The following FSTL5 variants were observed in gnomAD, a reference collection of about 807,000 sequenced individuals.
FSTL5 encodes follistatin-related protein 5.
Under a neutral mutation model 89.1 loss-of-function variants are expected in FSTL5, and 62 were observed. The observed-to-expected ratio is 0.70, with a 90% confidence interval of 0.57 to 0.86. FSTL5 has a LOEUF of 0.86. Ranked by LOEUF, FSTL5 falls within the 40% of genes least tolerant of loss-of-function variation. FSTL5 has a pLI of 0.00. For synonymous variants in FSTL5, 383 were observed against 346.2 expected, an observed-to-expected ratio of 1.11 and a Z score of -1.18; for missense variants, 1,057 against 1,001.6, an observed-to-expected ratio of 1.06 and a Z score of -0.75.
intron 10 of FSTL5, among the ~76,000 whole-genome samples, chr4:161,519,545 C>CA (rs1340831419): frequency 2.6e-5 from 4 of 151,898 alleles, no homozygotes; most frequent in African/African-American, 4.8e-5. Context: ...CAAAACAAAA[C>CA]AAAAAATAAC....
At chr4:161,898,852 A>G (rs1429499886) in intron 4 of FSTL5, among the ~76,000 whole-genome samples, 2 of 151,734 alleles carry the variant, frequency 1.3e-5, no homozygotes, top group African/African-American at 4.8e-5. Flanking sequence ...GATGGTCTGG[A>G]TCTCCTGACC....
intron 6 of FSTL5, among the ~76,000 whole-genome samples, chr4:161,671,904 C>T (rs1037397476): frequency 2.0e-5 from 3 of 152,084 alleles, no homozygotes; most frequent in South Asian, 2.1e-4. Flanking sequence ...TCTTAACATC[C>T]GATCAAAATA....
In FSTL5 at chr4:161,659,302, C is replaced by T. The variant is rs540286368; in HGVS notation, c.728-2808G>A. 5.3e-5 allele frequency among the ~76,000 whole-genome samples: 8 copies of T among 152,058 alleles called. No individual in the cohort carries two copies. The East Asian group carries it at 1.5e-3, about 29-fold the overall frequency. ...GCATATTTCATGCTGTATGTTTCAC[C>T]TCTTCCCTACTATGTTGTATAGAAA... On this transcript the variant is annotated intron_variant, in intron 6 of 15. Transcript: ENST00000306100.
intron 8 of FSTL5, among the ~76,000 whole-genome samples, chr4:161,558,414 G>C (rs1013451205): frequency 6.6e-6 from 1 of 151,788 alleles, no homozygotes; most frequent in African/African-American, 2.4e-5. Flanking sequence ...AGAATTTACA[G>C]TTATCTCAAA....
chr4:161,839,941 A>G (rs1354702734), intron 4 of FSTL5, among the ~76,000 whole-genome samples: 2 of 152,214 alleles, frequency 1.3e-5, no homozygotes, highest in African/African-American at 4.8e-5. Context: ...ATGTAGAAAG[A>G]AAAGCATTGA....
intron 3 of FSTL5, among the ~76,000 whole-genome samples, chr4:161,948,822 A>C (rs1734811881): frequency 6.6e-6 from 1 of 151,638 alleles, no homozygotes. Flanking sequence ...TTATTCCATC[A>C]TATTCTGACT....
intron 6 of FSTL5, among the ~76,000 whole-genome samples, chr4:161,701,702 TAAAG>T (rs1158849718): frequency 6.6e-6 from 1 of 152,096 alleles, no homozygotes; most frequent in Middle Eastern, 3.2e-3. Flanking sequence ...CAAAATATGT[TAAAG>T]ACTTTGTCAA....
intron 6 of FSTL5, among the ~76,000 whole-genome samples, chr4:161,757,521 G>T (rs1039812747): frequency 6.6e-6 from 1 of 152,032 alleles, no homozygotes; most frequent in African/African-American, 2.4e-5. Flanking sequence ...TCATAATTAG[G>T]TCAACATGAG....
In FSTL5 at chr4:161,954,739, T is replaced by C. The variant is rs1466676793; in HGVS notation, c.161-34087A>G. 4.0e-5 allele frequency among the ~76,000 whole-genome samples: 6 copies of C among 151,628 alleles called. No homozygotes were observed. The South Asian group carries it at 6.2e-4, about 16-fold the overall frequency. On this transcript the variant is annotated intron_variant, in intron 3 of 15. Transcript: ENST00000306100. The stretch of plus-strand genomic sequence containing the variant: ...ATTCACCTATACCAAACACATTGCA[T>C]GCATCTGTCAGAACCAAAATCACTA...
At chr4:161,394,504 T>C (rs772105104) in intron 15 of FSTL5, among the ~76,000 whole-genome samples, 3 of 152,136 alleles carry the variant, frequency 2.0e-5, no homozygotes, top group Non-Finnish European at 2.9e-5. Flanking sequence ...CTAGATCCCC[T>C]GACCTCGTGA....
At chr4:161,683,374 A>T (rs1200821471) in intron 6 of FSTL5, among the ~76,000 whole-genome samples, 3 of 152,146 alleles carry the variant, frequency 2.0e-5, no homozygotes, top group African/African-American at 7.2e-5. Flanking sequence ...AACATATATA[A>T]AATACATAAT....
chr4:161,585,920 CT>C (rs571039140), intron 8 of FSTL5, among the ~76,000 whole-genome samples: 127 of 152,308 alleles, frequency 8.3e-4, no homozygotes, highest in Non-Finnish European at 1.5e-3. Flanking sequence ...ATCTCGCCTG[CT>C]TTCTTCCCTG....
At chr4:161,514,311 TC>T (rs1730745554) in intron 10 of FSTL5, among the ~76,000 whole-genome samples, 1 of 152,012 alleles carries the variant, frequency 6.6e-6, no homozygotes, top group Non-Finnish European at 1.5e-5. Context: ...TGAAATCTTG[TC>T]TTTTGCAGTA....
At chr4:162,080,847 A>G (rs1730063819) in intron 2 of FSTL5, among the ~76,000 whole-genome samples, 1 of 151,660 alleles carries the variant, frequency 6.6e-6, no homozygotes, top group African/African-American at 2.4e-5. Context: ...ACAATTTCAT[A>G]ACAGACAAAT....
intron 14 of FSTL5, among the ~76,000 whole-genome samples, chr4:161,458,156 T>C (rs1733431028): frequency 6.6e-6 from 1 of 152,178 alleles, no homozygotes. Context: ...AGCCAAGTTA[T>C]CAGGTAACTG....
intron 15 of FSTL5, among the ~76,000 whole-genome samples, chr4:161,426,035 C>T (rs1008408853): frequency 6.6e-6 from 1 of 151,638 alleles, no homozygotes; most frequent in Non-Finnish European, 1.5e-5. Context: ...GGAAAATATG[C>T]TTAATGAAAA....
intron 5 of FSTL5, among the ~76,000 whole-genome samples, chr4:161,769,227 A>C (rs1237102771): frequency 1.3e-5 from 2 of 151,922 alleles, no homozygotes. Flanking sequence ...TAAGACTGGG[A>C]CCCAAGCTTC....
chr4:162,136,370 T>C (rs953901876), intron 1 of FSTL5, among the ~76,000 whole-genome samples: 4 of 151,932 alleles, frequency 2.6e-5, no homozygotes, highest in African/African-American at 9.7e-5. Flanking sequence ...ATTCACAGGG[T>C]CATGATAAAT....
chr4:161,770,620 A>G (rs1741175114), intron 5 of FSTL5, among the ~76,000 whole-genome samples: 1 of 151,988 alleles, frequency 6.6e-6, no homozygotes, highest in African/African-American at 2.4e-5. Context: ...TTCTTTCATC[A>G]CATATGTATG....
Sources: gnomAD v4.1 joint callset for allele counts (sites outside exome capture counted in the v4.1 genomes callset) on GRCh38, gnomAD v4.1.1 for gene constraint, MANE v1.5 for transcripts, NCBI Gene and HGNC (gene_info 2026-07-23, HGNC 2026-07-21) for gene names.